The following SPATS2L variants were observed in gnomAD, a reference collection of about 807,000 sequenced individuals.
The protein encoded by SPATS2L is SPATS2-like protein.
SPATS2L carries 30 observed loss-of-function variants against 59.6 expected under a neutral mutation model. The ratio of observed to expected loss-of-function variants is 0.50; its 90% CI spans 0.38 to 0.68. The LOEUF is 0.68. Among genes scored for constraint, SPATS2L ranks in the 30% least tolerant of loss-of-function variants. The pLI, the probability that SPATS2L is intolerant of heterozygous loss-of-function variation, is 0.00. For missense variants in SPATS2L, 615 were observed against 700.0 expected (o/e 0.88, Z 1.37); for synonymous variants, 252 against 263.5 (o/e 0.96, Z 0.42).
intron 8 of SPATS2L, among the ~76,000 whole-genome samples, chr2:200,455,299 A>G (rs1574635648): frequency 6.6e-6 from 1 of 152,228 alleles, no homozygotes; most frequent in African/African-American, 2.4e-5. Flanking sequence ...TCTCTAAGGA[A>G]GTGACGATTA....
At chr2:200,317,179 A>G (rs956601457) in intron 1 of SPATS2L, among the ~76,000 whole-genome samples, 3 of 152,182 alleles carry the variant, frequency 2.0e-5, no homozygotes, top group African/African-American at 7.2e-5. Flanking sequence ...TAAAAACTCT[A>G]TTTAGTTTCC....
intron 2 of SPATS2L, among the ~76,000 whole-genome samples, chr2:200,344,752 A>C (rs776474970): frequency 2.0e-5 from 3 of 152,120 alleles, no homozygotes; most frequent in Non-Finnish European, 4.4e-5. Flanking sequence ...ACTTTTTAAT[A>C]ATAGCCATTC....
intron 2 of SPATS2L, among the ~76,000 whole-genome samples, chr2:200,333,132 A>C (rs77494272): frequency 6.6e-5 from 10 of 151,744 alleles, no homozygotes; most frequent in Admixed American, 1.3e-4. Flanking sequence ...CAAAAAAAAA[A>C]CACCTTAGCT....
intron 2 of SPATS2L, among the ~76,000 whole-genome samples, chr2:200,347,328 G>T (rs1390157207): frequency 6.6e-6 from 1 of 152,122 alleles, no homozygotes; most frequent in African/African-American, 2.4e-5. Context: ...ATCACTAGGT[G>T]GGAGTTCCAG....
intron 2 of SPATS2L, among the ~76,000 whole-genome samples, chr2:200,337,701 TGA>T (rs2080187863): frequency 6.6e-6 from 1 of 152,194 alleles, no homozygotes; most frequent in Non-Finnish European, 1.5e-5. Context: ...ATTTAAAACG[TGA>T]GAGAGATGTG....
upstream of SPATS2L, chr2:200,306,652 G>T: frequency 4.0e-6 from 4 of 988,894 alleles, no homozygotes; most frequent in Non-Finnish European, 4.8e-6. Context: ...GGGGCAGCCT[G>T]CGAGGGGCGG....
chr2:200,333,951 C>G (rs1209398490), intron 2 of SPATS2L, among the ~76,000 whole-genome samples: 1 of 151,870 alleles, frequency 6.6e-6, no homozygotes, highest in Non-Finnish European at 1.5e-5. Flanking sequence ...TGAATAGTGC[C>G]GCAATAAACA....
At chr2:200,436,093 T>C (rs1325907630) in intron 6 of SPATS2L, among the ~76,000 whole-genome samples, 1 of 152,200 alleles carries the variant, frequency 6.6e-6, no homozygotes, top group Non-Finnish European at 1.5e-5. Context: ...TACTGGACAC[T>C]GGAGGCTTAT....
intron 1 of SPATS2L, among the ~76,000 whole-genome samples, chr2:200,326,802 A>G (rs953478944): frequency 2.0e-5 from 3 of 151,290 alleles, no homozygotes; most frequent in Non-Finnish European, 4.4e-5. Context: ...ATCTCGGCTT[A>G]CTGCAACCTG....
chr2:200,438,515 A>G (rs569716034), intron 6 of SPATS2L, among the ~76,000 whole-genome samples: 1 of 152,322 alleles, frequency 6.6e-6, no homozygotes, highest in South Asian at 2.1e-4. Context: ...TTAAATCTCC[A>G]GAGAGAATCT....
At chr2:200,318,863 C>T (rs903184940) in intron 1 of SPATS2L, among the ~76,000 whole-genome samples, 1 of 152,182 alleles carries the variant, frequency 6.6e-6, no homozygotes, top group East Asian at 1.9e-4. Context: ...CAGCCAGGAA[C>T]GAGGAGTTTG....
At chr2:200,328,848 T>C (rs2079842164) in intron 1 of SPATS2L, among the ~76,000 whole-genome samples, 1 of 152,232 alleles carries the variant, frequency 6.6e-6, no homozygotes, top group Non-Finnish European at 1.5e-5. Flanking sequence ...GTGTGTACTT[T>C]ATAGGATATC....
At chr2:200,366,123 A>T (rs1357041769) in intron 2 of SPATS2L, among the ~76,000 whole-genome samples, 1 of 152,220 alleles carries the variant, frequency 6.6e-6, no homozygotes, top group East Asian at 1.9e-4. Flanking sequence ...AAACATGAAC[A>T]TATTGGGATT....
chr2:200,400,995 G>T (rs1308450574), intron 3 of SPATS2L, among the ~76,000 whole-genome samples: 2 of 152,142 alleles, frequency 1.3e-5, no homozygotes, highest in Admixed American at 6.5e-5. Context: ...TTAAAACTGG[G>T]CAGACTTTTG....
chr2:200,427,809 G>A (rs1264056480), intron 6 of SPATS2L, among the ~76,000 whole-genome samples: 2 of 152,132 alleles, frequency 1.3e-5, no homozygotes, highest in Non-Finnish European at 2.9e-5. Context: ...ACCCTGTCAT[G>A]TAAAGATAGA....
In SPATS2L at chr2:200,406,629, T is replaced by C. The variant is rs184396732; in HGVS notation, c.40-5682T>C. 5.3e-5 allele frequency among the ~76,000 whole-genome samples: 8 copies of C among 152,286 alleles called. No individual in the cohort carries two copies. The East Asian group carries it at 1.4e-3, about 26-fold the overall frequency. ...ACTTTGTCTTTTCTAGCCAGGCCAC[T>C]TCCTGACCACTGTAATTCATTGTCA... On this transcript the variant is annotated intron_variant, in intron 3 of 12. Transcript: ENST00000409140.
At chr2:200,453,316 C>G (rs2085596831) in intron 8 of SPATS2L, among the ~76,000 whole-genome samples, 1 of 152,230 alleles carries the variant, frequency 6.6e-6, no homozygotes, top group Non-Finnish European at 1.5e-5. Context: ...CCTCCTGACC[C>G]TGGGAATAAA....
intron 8 of SPATS2L, among the ~76,000 whole-genome samples, chr2:200,457,305 C>T (rs2043768): frequency 0.42 from 63,789 of 151,814 alleles, 14,241 homozygotes; most frequent in Non-Finnish European, 0.49. Flanking sequence ...CAGAGAAGCT[C>T]ATAATCACAG....
chr2:200,367,245 GT>G (rs879731342), intron 2 of SPATS2L, among the ~76,000 whole-genome samples: 1 of 152,160 alleles, frequency 6.6e-6, no homozygotes, highest in Admixed American at 6.6e-5. Flanking sequence ...ATTAAGTTGG[GT>G]TTTTTTCCCC....
Sources: allele counts gnomAD v4.1 joint callset (sites outside exome capture counted in the v4.1 genomes callset), GRCh38; gene constraint gnomAD v4.1.1; transcripts MANE v1.5; gene names NCBI Gene and HGNC (gene_info 2026-07-23, HGNC 2026-07-21).